EEPD1: variants seen among roughly 807,000 people sequenced by gnomAD.
EEPD1 encodes endonuclease/exonuclease/phosphatase family domain-containing protein 1.
In EEPD1, 17 loss-of-function variants were observed where a neutral mutation model predicts 46.3. The observed-to-expected ratio is 0.37, with a 90% CI of 0.25 to 0.55. EEPD1 has a LOEUF of 0.55. Ranked by LOEUF, EEPD1 falls within the 20% of genes least tolerant of loss-of-function variation. The pLI, the probability that EEPD1 is intolerant of heterozygous loss-of-function variation, is 0.83. For missense variants in EEPD1, 673 were observed against 745.6 expected (o/e 0.90, Z 1.13); for synonymous variants, 313 against 315.6 (o/e 0.99, Z 0.09).
At chr7:36,208,235 A>G (rs974896223) in intron 2 of EEPD1, among the ~76,000 whole-genome samples, 10 of 152,206 alleles carry the variant, frequency 6.6e-5, no homozygotes, top group Non-Finnish European at 1.3e-4. Flanking sequence ...TACTGGGGCC[A>G]GAGGCACAGG....
intron 3 of EEPD1, among the ~76,000 whole-genome samples, chr7:36,252,262 C>T (rs1014644898): frequency 3.3e-5 from 5 of 152,240 alleles, no homozygotes; most frequent in East Asian, 1.9e-4. Context: ...GTTTTGGGGG[C>T]GCAGTTGCCT....
rs1785528037 is a variant in EEPD1 at position 36,193,905 on chromosome 7, T to C, written c.878+38703T>C. 6.6e-6 allele frequency among the ~76,000 whole-genome samples: 1 copy of C among 152,122 alleles called. No individual in the cohort carries two copies. The highest frequency in any genetic ancestry group is 6.5e-5 in the Admixed American group (1 of 15,280). ...CAGTAAAATTAGGCTGTGGACATAATGTGAGCATCTTGAGAGTTCAGGAGC... is the reference window on the plus strand; with the variant it reads ...CAGTAAAATTAGGCTGTGGACATAACGTGAGCATCTTGAGAGTTCAGGAGC... On this transcript the variant is annotated intron_variant, in intron 2 of 7. Transcript: ENST00000242108. This position sits in a 1 kb window ranked among gnomAD's most constrained non-coding sequence, Gnocchi z 4.9.
At chr7:36,287,606 C>A in intron 5 of EEPD1, 33 bp from the exon 6 acceptor site, 1 of 1,605,294 alleles carries the variant, frequency 6.2e-7, no homozygotes, top group Admixed American at 1.7e-5. Context: ...AGCTTCTGAG[C>A]CTCTCCCTGT....
rs555983402 is a variant in EEPD1 at position 36,267,319 on chromosome 7, G to T, written c.931-13796G>T. Among the ~76,000 whole-genome samples the T allele has an allele frequency of 4.6e-5, 7 of 152,200 alleles. No individual in the cohort carries two copies. The South Asian group carries it at 8.3e-4, about 18-fold the overall frequency. On this transcript the variant is annotated intron_variant, in intron 3 of 7. Transcript: ENST00000242108. ...AGAAACACATTTCTTTCAGGGTATG[G>T]GGGCCCCTGCATGGCCAGGCCTCTG...
chr7:36,154,033 A>C lies in EEPD1; in HGVS notation c.-192-100A>C. The C allele has an allele frequency of 4.5e-6, 2 of 446,626 alleles. No homozygotes were observed. Among genetic ancestry groups the C allele is most frequent in the Non-Finnish European group, 8.1e-6 (2 of 247,610 alleles). 27.7% of individuals were successfully genotyped at this position (446,626 alleles called of 1,614,324 possible). A position where few individuals can be genotyped will look rare whatever the true frequency, so the allele number is the denominator to read the frequency against. ...TTTTAGGGGTTCACGGGCAGCCACC[A>C]GTCCCCGACTCCTGGTTACTAACTC... On this transcript the variant is annotated intron_variant, in intron 1 of 7. Coordinates refer to ENST00000242108, the MANE Select transcript of EEPD1 (RefSeq NM_030636.3). The surrounding 1 kb of genome is among the most constrained non-coding windows in gnomAD (Gnocchi z 4.2).
intron 5 of EEPD1, among the ~76,000 whole-genome samples, chr7:36,286,361 T>C (rs764137786): frequency 2.6e-5 from 4 of 152,224 alleles, no homozygotes; most frequent in African/African-American, 7.2e-5. Context: ...GCTGCAGAGC[T>C]CTTGGTCCTG....
intron 2 of EEPD1, among the ~76,000 whole-genome samples, chr7:36,232,782 A>G (rs941813199): frequency 6.6e-6 from 1 of 151,676 alleles, no homozygotes; most frequent in East Asian, 1.9e-4. Flanking sequence ...TCTAGAGGAC[A>G]GTAACTCATG....
intron 2 of EEPD1, among the ~76,000 whole-genome samples, chr7:36,164,912 AAG>A (rs1402075792): frequency 2.6e-5 from 4 of 152,370 alleles, no homozygotes; most frequent in South Asian, 4.1e-4. Context: ...GATATAAAGA[AAG>A]AAAATGTTTT....
rs200658567 is a variant in EEPD1 at position 36,201,821 on chromosome 7, TTC to T, written c.879-37160_879-37159del. 6.8e-3 allele frequency among the ~76,000 whole-genome samples: 1,037 copies of T among 152,314 alleles called. 14 individuals are homozygous for T. The highest frequency in any genetic ancestry group is 0.023 in the African/African-American group (967 of 41,566). On this transcript the variant is annotated intron_variant, in intron 2 of 7. Transcript: ENST00000242108. ...GTCTAGAAATCTGAGATGAGAAACTTTCTCTGTTTCTTGCTGGATGGAGCCTG... is the reference window on the plus strand; with the variant it reads ...GTCTAGAAATCTGAGATGAGAAACTTTCTGTTTCTTGCTGGATGGAGCCTG...
At chr7:36,290,065 C>T (rs1387598142) in intron 6 of EEPD1, among the ~76,000 whole-genome samples, 1 of 152,202 alleles carries the variant, frequency 6.6e-6, no homozygotes, top group Non-Finnish European at 1.5e-5. Flanking sequence ...AAATTGTCCA[C>T]CTATAGTTAG....
chr7:36,211,925 CAAA>C (rs34244121), intron 2 of EEPD1, among the ~76,000 whole-genome samples: 6 of 107,028 alleles, frequency 5.6e-5, no homozygotes, highest in Non-Finnish European at 4.1e-5. Context: ...GACTCCATCT[CAAA>C]AAAAAAAAAA....
chr7:36,223,908 G>A (rs770564476), intron 2 of EEPD1, among the ~76,000 whole-genome samples: 2 of 152,174 alleles, frequency 1.3e-5, no homozygotes, highest in Non-Finnish European at 2.9e-5. Context: ...GCTTAGCAGG[G>A]TACCAACATC....
chr7:36,164,014 AT>A (rs1313125007), intron 2 of EEPD1, among the ~76,000 whole-genome samples: 1 of 151,888 alleles, frequency 6.6e-6, no homozygotes, highest in Non-Finnish European at 1.5e-5. Flanking sequence ...CTAGGTTATG[AT>A]TTTTCGTAAG....
chr7:36,299,517 A>G lies in EEPD1; in HGVS notation c.*311A>G, dbSNP rs10848. 169,092 of 392,594 alleles carry G rather than the reference A, an allele frequency of 0.43. 38,511 individuals are homozygous for G. Among genetic ancestry groups the G allele is most frequent in the Middle Eastern group, 0.54 (772 of 1,440 alleles). The allele number at this position is 392,594 out of a possible 1,614,324, so 24.3% of individuals were successfully genotyped here. ...CGCTGCTGACTGGATGGCAGCACAA[A>G]GACAATATGAGCAGAGGGAGGAGAA... On this transcript the variant is annotated 3_prime_UTR_variant, in exon 8 of 8. Transcript: ENST00000242108.
chr7:36,186,561 C>G (rs1297593027), intron 2 of EEPD1, among the ~76,000 whole-genome samples: 1 of 152,238 alleles, frequency 6.6e-6, no homozygotes, highest in Non-Finnish European at 1.5e-5. Context: ...TGTGAAAATA[C>G]AGCAGCAGCC....
intron 2 of EEPD1, among the ~76,000 whole-genome samples, chr7:36,236,678 C>G (rs938510094): frequency 2.6e-5 from 4 of 152,168 alleles, no homozygotes; most frequent in Non-Finnish European, 5.9e-5. Flanking sequence ...CCAATCAGCG[C>G]TCTGTGTCTA....
At chr7:36,283,551 TAGAAA>T (rs993823315) in intron 4 of EEPD1, among the ~76,000 whole-genome samples, 2 of 152,118 alleles carry the variant, frequency 1.3e-5, no homozygotes, top group African/African-American at 4.8e-5. Flanking sequence ...AGCTGAGGTT[TAGAAA>T]AACTGAGTGG....
At position 36,299,388 on chromosome 7, in the gene EEPD1, C is replaced by A; in HGVS notation, c.*182C>A. On this transcript the variant is annotated 3_prime_UTR_variant, in exon 8 of 8. Coordinates refer to ENST00000242108, the MANE Select transcript of EEPD1 (RefSeq NM_030636.3). The stretch of plus-strand genomic sequence containing the variant: ...CAGGACCTCCAGTGGGGGTGGCGTG[C>A]CAGGCGCGTACCCCACCAGGTGGGC... The A allele has an allele frequency of 1.3e-6, 1 of 742,208 alleles. No homozygotes were observed. Among genetic ancestry groups the A allele is most frequent in the Non-Finnish European group, 2.1e-6 (1 of 467,412 alleles). The allele number at this position is 742,208 out of a possible 1,614,324, so 46.0% of individuals were successfully genotyped here. A position where few individuals can be genotyped will look rare whatever the true frequency, so the allele number is the denominator to read the frequency against.
At chr7:36,199,022 A>G (rs1785663599) in intron 2 of EEPD1, among the ~76,000 whole-genome samples, 1 of 151,992 alleles carries the variant, frequency 6.6e-6, no homozygotes, top group African/African-American at 2.4e-5. Flanking sequence ...AGCACCCTAA[A>G]CATTGCCCAC....
Sources: allele counts gnomAD v4.1 joint callset (sites outside exome capture counted in the v4.1 genomes callset), GRCh38; gene constraint gnomAD v4.1.1; non-coding constraint Gnocchi (gnomAD v3.1); transcripts MANE v1.5; gene names NCBI Gene and HGNC (gene_info 2026-07-23, HGNC 2026-07-21).